RIC3: variants seen among roughly 807,000 people sequenced by gnomAD.
RIC3 encodes the protein protein RIC-3.
In RIC3, 28 loss-of-function variants were observed where a neutral mutation model predicts 27.3. That is an observed-to-expected ratio of 1.02 (90% CI 0.76 to 1.41). The LOEUF (loss-of-function observed/expected upper bound fraction) is 1.41. RIC3 is among the 40% of genes most tolerant of loss of function. RIC3 has a pLI of 0.00. For synonymous variants in RIC3, 184 were observed against 160.4 expected, an observed-to-expected ratio of 1.15 and a Z score of -1.11; for missense variants, 501 against 444.7, an observed-to-expected ratio of 1.13 and a Z score of -1.14.
In RIC3 at chr11:8,110,940, C is replaced by G. The variant is rs576349071; in HGVS notation, c.868G>C (p.Asp290His). The change falls in exon 6 of 6, where the codon GAT (aspartate) becomes CAT (histidine). Residue 290 changes from aspartate (D) to histidine (H), a missense_variant. Transcript: ENST00000309737. ...SLPTDPRAQE[D>H]NSVTSCDPKP... is the part of the protein sequence containing the mutation. ...GGATCACACGAGGTAACAGAATTAT[C>G]TTCCTGGGCTCTGGGGTCAGTGGGC... is the stretch of plus-strand genomic sequence containing the variant. The G allele has an allele frequency of 1.9e-6, 3 of 1,614,072 alleles. No individual in the cohort carries two copies. The highest frequency in any genetic ancestry group is 3.3e-5 in the Admixed American group (2 of 59,998).
chr11:8,168,271 G>A (rs1190030491), intron 1 of RIC3, among the ~76,000 whole-genome samples: 1 of 152,098 alleles, frequency 6.6e-6, no homozygotes. Flanking sequence ...GATAAATACT[G>A]TTTCAATAAG....
intron 4 of RIC3, among the ~76,000 whole-genome samples, chr11:8,134,658 T>C (rs1245145731): frequency 6.6e-6 from 1 of 152,138 alleles, no homozygotes; most frequent in Non-Finnish European, 1.5e-5. Context: ...CCAGCACCTG[T>C]TATTTCCTGA....
the RIC3 span, among the ~76,000 whole-genome samples, chr11:8,099,250 C>T: frequency 5.3e-5 from 8 of 152,138 alleles, no homozygotes; most frequent in Non-Finnish European, 1.2e-4. Context: ...TCTCACTGAA[C>T]GTTCAACCTA....
intron 1 of RIC3, among the ~76,000 whole-genome samples, chr11:8,149,516 A>G (rs1468370033): frequency 1.3e-5 from 2 of 152,224 alleles, no homozygotes; most frequent in Admixed American, 1.3e-4. Context: ...GCAGCAGAAT[A>G]TAGGCTCTAA....
intron 4 of RIC3, among the ~76,000 whole-genome samples, chr11:8,131,107 T>TCAC (rs1947640591): frequency 6.7e-6 from 1 of 149,416 alleles, no homozygotes; most frequent in African/African-American, 2.5e-5. Flanking sequence ...CATTCATTCA[T>TCAC]TCACTCACTC....
chr11:8,134,713 C>T (rs7951233), intron 4 of RIC3, among the ~76,000 whole-genome samples: 80,168 of 151,842 alleles, frequency 0.53, 25,157 homozygotes, highest in African/African-American at 0.88. Flanking sequence ...TGGTATCTCA[C>T]TGTGGTTTTG....
At chr11:8,100,046 G>A in the RIC3 span, among the ~76,000 whole-genome samples, 1 of 152,196 alleles carries the variant, frequency 6.6e-6, no homozygotes, top group Non-Finnish European at 1.5e-5. Context: ...TGGCTGCTGT[G>A]TTGAGAACAG....
downstream of RIC3, chr11:8,101,977 C>T (rs976590362): frequency 3.4e-5 from 9 of 267,382 alleles, no homozygotes; most frequent in Middle Eastern, 1.1e-3. Context: ...AGGAAGCACA[C>T]TGCAGGGCTG....
downstream of RIC3, chr11:8,102,178 G>C (rs2133925242): frequency 6.5e-6 from 1 of 152,696 alleles, no homozygotes; most frequent in South Asian, 2.1e-4. Context: ...TCAAGCCTGA[G>C]AGAAGTTGGG....
chr11:8,166,145 T>A (rs1590443947), intron 1 of RIC3, among the ~76,000 whole-genome samples: 1 of 152,296 alleles, frequency 6.6e-6, no homozygotes, highest in East Asian at 1.9e-4. Flanking sequence ...GTCTCCATTG[T>A]TCCCTGCGCA....
chr11:8,137,338 A>G lies in RIC3; in HGVS notation c.521+40T>C, dbSNP rs1338851169. The G allele has an allele frequency of 3.2e-6, 5 of 1,571,410 alleles. No individual in the cohort carries two copies. In the African/African-American group the frequency reaches 6.8e-5, roughly 21 times the overall value. On this transcript the variant is annotated intron_variant, in intron 4 of 5. Transcript: ENST00000309737. ...TGCACCCAGCCTGAATTTATTTTCT[A>G]AATGAGAAATAGTCTGAGTCCCGTT... is the stretch of plus-strand genomic sequence containing the variant.
rs142776800 is a variant in RIC3, at chr11:8,156,471, C to T, written c.124+12395G>A. 6.4e-3 allele frequency among the ~76,000 whole-genome samples: 973 copies of T among 152,284 alleles called. 22 individuals carry two copies. The highest frequency in any genetic ancestry group is 0.051 in the Admixed American group (782 of 15,286). On this transcript the variant is annotated intron_variant, in intron 1 of 5. Transcript: ENST00000309737. ...AAATAATATCATATATACAAAGCACCTAGCACATATAGTAGGTATTTAACA... is the reference window on the plus strand; with the variant it reads ...AAATAATATCATATATACAAAGCACTTAGCACATATAGTAGGTATTTAACA...
rs747090310 is a variant in RIC3, at chr11:8,140,047, T to C, written c.271A>G (p.Ser91Gly). 8.1e-6 allele frequency: 13 copies of C among 1,613,950 alleles called. No homozygotes were observed. The highest frequency in any genetic ancestry group is 2.2e-5 in the East Asian group (1 of 44,884). ...ATCTGCCCCATCAGACCTCTTCCAC[T>C]ACCTCCTCCTCCAGCACCTCCACCT... ...GSGGGAGGGG[S>G]GRGLMGQIIP... is the part of the protein sequence containing the mutation. Residue 91 changes from serine to glycine, a missense_variant, in exon 2 of 6, where the codon AGT (serine) becomes GGT (glycine). Coordinates refer to ENST00000309737, the MANE Select transcript of RIC3 (RefSeq NM_001206671.4).
At chr11:8,166,786 G>T (rs1158234306) in intron 1 of RIC3, among the ~76,000 whole-genome samples, 1 of 152,136 alleles carries the variant, frequency 6.6e-6, no homozygotes, top group African/African-American at 2.4e-5. Context: ...GGAGGCTGAG[G>T]TGGGAGGATC....
intron 2 of RIC3, chr11:8,139,659 T>G (rs1948819288): frequency 5.6e-6 from 1 of 179,488 alleles, no homozygotes. Context: ...TTTTTTTTTT[T>G]TTGGCAGGGG....
At position 8,137,464 on chromosome 11, in the gene RIC3, A is replaced by C; in HGVS notation, c.435T>G (p.Phe145Leu). Residue 145 changes from phenylalanine (F) to leucine (L), a missense_variant, in exon 4 of 6, where the codon TTT becomes TTG. Phe to Leu is a conservative substitution (Grantham distance 22). Coordinates refer to ENST00000309737, the MANE Select transcript of RIC3 (RefSeq NM_001206671.4). Reference protein sequence around the residue: ...PGNTHRKITSFELAQLQEKLK... With the variant: ...PGNTHRKITSLELAQLQEKLK... ...GTTTTTCTTGCAGTTGAGCAAGCTC[A>C]AAACTGGCTAAAAAATAAGCAACAA... The C allele has an allele frequency of 6.2e-7, 1 of 1,613,754 alleles. No individual in the cohort carries two copies. Among genetic ancestry groups the C allele is most frequent in the South Asian group, 1.1e-5 (1 of 91,084 alleles).
rs531135115 is a variant in RIC3 at position 8,108,452 on chromosome 11, T to C, written c.*2246A>G. ...CATAGCCCTTATAATAAAAACATAA[T>C]TACCACTTAATGAGTGGTTATCATG... On this transcript the variant is annotated 3_prime_UTR_variant, in exon 6 of 6. Coordinates refer to ENST00000309737, the MANE Select transcript of RIC3 (RefSeq NM_001206671.4). 6.6e-6 allele frequency: 1 copy of C among 152,342 alleles called. No individual in the cohort carries two copies. The highest frequency in any genetic ancestry group is 2.1e-4 in the South Asian group (1 of 4,830). 9.4% of individuals were successfully genotyped at this position (152,342 alleles called of 1,614,324 possible). A position where few individuals can be genotyped will look rare whatever the true frequency, so the allele number is the denominator to read the frequency against.
At chr11:8,164,938 T>C (rs1951547763) in intron 1 of RIC3, among the ~76,000 whole-genome samples, 2 of 151,886 alleles carry the variant, frequency 1.3e-5, no homozygotes, top group Non-Finnish European at 2.9e-5. Context: ...ATCAGGGAAA[T>C]GCAAATAAAA....
At chr11:8,161,740 A>C (rs1951182052) in intron 1 of RIC3, among the ~76,000 whole-genome samples, 1 of 152,194 alleles carries the variant, frequency 6.6e-6, no homozygotes, top group Non-Finnish European at 1.5e-5. Flanking sequence ...TGTGCCCAGC[A>C]AAGTGCTGTA....
Sources: gnomAD v4.1 joint callset for allele counts (sites outside exome capture counted in the v4.1 genomes callset) on GRCh38, gnomAD v4.1.1 for gene constraint, MANE v1.5 for transcripts, NCBI Gene and HGNC (gene_info 2026-07-23, HGNC 2026-07-21) for gene names.